The following MRPL14 variants were observed in gnomAD, a reference collection of about 807,000 sequenced individuals.
MRPL14 encodes mitochondrial ribosomal protein L14, also known as large ribosomal subunit protein uL14m.
A neutral mutation model predicts 10.9 loss-of-function variants in MRPL14; 8 were observed. The observed-to-expected ratio is 0.74, with a 90% CI of 0.43 to 1.33. The LOEUF (loss-of-function observed/expected upper bound fraction) is 1.33. MRPL14 is among the 40% of genes most tolerant of loss of function. The pLI, the probability that MRPL14 is intolerant of heterozygous loss-of-function variation, is 0.01. For synonymous variants in MRPL14, 82 were observed against 74.1 expected (o/e 1.11, Z -0.54); for missense variants, 179 against 194.5 (o/e 0.92, Z 0.47).
intron 1 of MRPL14, among the ~76,000 whole-genome samples, chr6:44,121,511 C>T (rs1008878275): frequency 5.9e-5 from 9 of 152,242 alleles, no homozygotes; most frequent in African/African-American, 1.4e-4. Flanking sequence ...GAATTGCCAT[C>T]GCCCTACAGA....
At chr6:44,119,273 A>G (rs1776177899) in intron 1 of MRPL14, among the ~76,000 whole-genome samples, 1 of 152,258 alleles carries the variant, frequency 6.6e-6, no homozygotes, top group Non-Finnish European at 1.5e-5. Flanking sequence ...CTGTAATCCC[A>G]GCACTTTGGG....
In MRPL14 at chr6:44,113,947, C is replaced by T. The variant is rs762083565; in HGVS notation, c.334G>A (p.Gly112Arg). 7.4e-6 allele frequency: 12 copies of T among 1,613,708 alleles called. No homozygotes were observed. The highest frequency in any genetic ancestry group is 6.6e-5 in the South Asian group (6 of 91,078). ...TTAATTCGTGTCCCCACAGGGTTCCCGTTGTCCTCAATGAGGACCACGTTG... is the reference window on the plus strand; with the variant it reads ...TTAATTCGTGTCCCCACAGGGTTCCTGTTGTCCTCAATGAGGACCACGTTG... ...SNNVVLIEDN[G>R]NPVGTRIKTP... The change falls in exon 3 of 3, where the codon GGG becomes AGG. Residue 112 changes from glycine to arginine, a missense_variant. Transcript: ENST00000372014.
At chr6:44,117,440 A>G (rs1335141064) in intron 1 of MRPL14, among the ~76,000 whole-genome samples, 1 of 152,206 alleles carries the variant, frequency 6.6e-6, no homozygotes, top group Non-Finnish European at 1.5e-5. Flanking sequence ...ATGCTTCAGA[A>G]AGGCCTGTAG....
intron 1 of MRPL14, 176 bp downstream of exon 1, chr6:44,127,168 A>ACCCCCCTCCCAGTCGGGACC (rs1777212011): frequency 2.5e-5 from 2 of 79,416 alleles, no homozygotes; most frequent in South Asian, 4.5e-4. Context: ...CCCCGTCGGG[A>ACCCCCCTCCCAGTCGGGACC]CCCCCCTCCC....
chr6:44,120,579 A>G (rs984417458), intron 1 of MRPL14, among the ~76,000 whole-genome samples: 23 of 152,236 alleles, frequency 1.5e-4, no homozygotes, highest in African/African-American at 5.5e-4. Flanking sequence ...TCAAATGGCC[A>G]GCAGTTAGCA....
intron 1 of MRPL14, among the ~76,000 whole-genome samples, chr6:44,121,036 A>G (rs1339270187): frequency 2.0e-5 from 3 of 152,152 alleles, no homozygotes; most frequent in African/African-American, 7.2e-5. Context: ...TGGAGGCAGC[A>G]ATTTACTTCA....
At chr6:44,119,692 C>T (rs550639703) in intron 1 of MRPL14, among the ~76,000 whole-genome samples, 65 of 152,234 alleles carry the variant, frequency 4.3e-4, no homozygotes, top group Non-Finnish European at 7.6e-4. Flanking sequence ...ATACTCAGAG[C>T]AATAACTAAA....
In MRPL14 at chr6:44,116,648, G is replaced by A. The variant is rs1775879330; in HGVS notation, c.-18-19C>T. ...ATAGATCCTGCAGGAAAAACGAGAG[G>A]GGGAAAAATTGGTTTCTAAGTCAGA... is the stretch of plus-strand genomic sequence containing the variant. On this transcript the variant is annotated intron_variant, in intron 1 of 2. Coordinates refer to ENST00000372014, the MANE Select transcript of MRPL14 (RefSeq NM_032111.4). 3.8e-6 allele frequency: 6 copies of A among 1,597,302 alleles called. No individual in the cohort carries two copies. The highest frequency in any genetic ancestry group is 4.3e-6 in the Non-Finnish European group (5 of 1,165,708).
chr6:44,125,968 GT>G (rs938092109), intron 1 of MRPL14, among the ~76,000 whole-genome samples: 1 of 152,148 alleles, frequency 6.6e-6, no homozygotes, highest in Non-Finnish European at 1.5e-5. Flanking sequence ...TAAAATCCTT[GT>G]TTTTCAGTAG....
chr6:44,124,336 G>T (rs1776731072), intron 1 of MRPL14, among the ~76,000 whole-genome samples: 1 of 152,184 alleles, frequency 6.6e-6, no homozygotes, highest in African/African-American at 2.4e-5. Context: ...GTCAAGCAGA[G>T]ATCATATTGG....
chr6:44,113,941 G>T lies in MRPL14; in HGVS notation c.340C>A (p.Pro114Thr), dbSNP rs1484001320. The T allele has an allele frequency of 6.2e-7, 1 of 1,613,346 alleles. No individual in the cohort carries two copies. Among genetic ancestry groups the T allele is most frequent in the Non-Finnish European group, 8.5e-7 (1 of 1,179,296 alleles). ...GGTGTCTTAATTCGTGTCCCCACAG[G>T]GTTCCCGTTGTCCTCAATGAGGACC... ...NVVLIEDNGN[P>T]VGTRIKTPIP... Residue 114 changes from proline (P) to threonine (T), a missense_variant, in exon 3 of 3, where the codon CCT (proline) becomes ACT (threonine). Physicochemically the swap from Pro to Thr is conservative, Grantham distance 38. Transcript: ENST00000372014.
chr6:44,123,768 G>A (rs1414627578), intron 1 of MRPL14, among the ~76,000 whole-genome samples: 1 of 152,204 alleles, frequency 6.6e-6, no homozygotes, highest in Non-Finnish European at 1.5e-5. Context: ...CACTTTGGGA[G>A]GCTGAGGGAG....
chr6:44,125,040 T>C (rs1234913475), intron 1 of MRPL14, among the ~76,000 whole-genome samples: 4 of 152,242 alleles, frequency 2.6e-5, no homozygotes, highest in African/African-American at 9.6e-5. Context: ...TAAATAACCA[T>C]GCTCAGTGCC....
chr6:44,118,258 G>T (rs1432447729), intron 1 of MRPL14, among the ~76,000 whole-genome samples: 1 of 152,140 alleles, frequency 6.6e-6, no homozygotes, highest in Non-Finnish European at 1.5e-5. Context: ...CTGTAACACA[G>T]GGATACTAAT....
chr6:44,117,084 AC>A (rs915656376), intron 1 of MRPL14, among the ~76,000 whole-genome samples: 3 of 152,224 alleles, frequency 2.0e-5, no homozygotes, highest in African/African-American at 7.2e-5. Flanking sequence ...CTAAGCAGCC[AC>A]CCAAGTTGTC....
At chr6:44,116,964 G>A (rs555276279) in intron 1 of MRPL14, among the ~76,000 whole-genome samples, 2 of 152,314 alleles carry the variant, frequency 1.3e-5, no homozygotes, top group Admixed American at 1.3e-4. Context: ...CCCAGCCAGG[G>A]ACTTCTTCTC....
Position 44,114,029 on chromosome 6 carries a change from C to G in MRPL14, c.252G>C (p.Ala84=). 1 of 1,614,174 alleles carries G rather than the reference C, an allele frequency of 6.2e-7. No homozygotes were observed. The highest frequency in any genetic ancestry group is 2.2e-5 in the East Asian group (1 of 44,884). The change falls in exon 3 of 3, where the codon GCG becomes GCC. Residue 84 remains alanine, a synonymous_variant. Transcript: ENST00000372014. The part of the protein sequence containing the change: ...LLAIKGQKKK[A]LIVGHCMPGP... ...CAGGCATGCAGTGCCCCACAATGAG[C>G]GCCTTTTTCTTCTGTCCCTTGATGG... is the stretch of plus-strand genomic sequence containing the variant.
chr6:44,116,681 A>C (rs1251204888), intron 1 of MRPL14, 52 bp from the exon 2 acceptor site: 1 of 1,322,062 alleles, frequency 7.6e-7, no homozygotes, highest in African/African-American at 1.5e-5. Context: ...AGAGCCCTTA[A>C]AGCCAGTTTT....
chr6:44,120,719 T>TA (rs1776314729), intron 1 of MRPL14, among the ~76,000 whole-genome samples: 1 of 152,198 alleles, frequency 6.6e-6, no homozygotes, highest in Admixed American at 6.5e-5. Flanking sequence ...CCAGTCCTGA[T>TA]AACAGTAGGA....
Sources: allele counts gnomAD v4.1 joint callset (sites outside exome capture counted in the v4.1 genomes callset), GRCh38; gene constraint gnomAD v4.1.1; transcripts MANE v1.5; gene names NCBI Gene and HGNC (gene_info 2026-07-23, HGNC 2026-07-21).